ABCA13: variants seen among roughly 807,000 people sequenced by gnomAD.
ABCA13 encodes ATP binding cassette subfamily A member 13.
A neutral mutation model predicts 478.7 loss-of-function variants in ABCA13; 476 were observed. That is an observed-to-expected ratio of 0.99 (90% CI 0.92 to 1.07). The LOEUF is 1.07. Ranked by LOEUF, ABCA13 falls within the 50% of genes least tolerant of loss-of-function variation. The pLI is 0.00. For synonymous variants in ABCA13, 2,252 were observed against 2,158.9 expected, an observed-to-expected ratio of 1.04 and a Z score of -1.20; for missense variants, 6,060 against 5,910.6, an observed-to-expected ratio of 1.03 and a Z score of -0.83.
intron 47 of ABCA13, among the ~76,000 whole-genome samples, chr7:48,488,741 C>T (rs771079520): frequency 6.6e-6 from 1 of 152,072 alleles, no homozygotes; most frequent in Non-Finnish European, 1.5e-5. Context: ...TTGTCTTTCT[C>T]TTATTTTCAC....
At chr7:48,322,983 G>T (rs1033818072) in intron 27 of ABCA13, among the ~76,000 whole-genome samples, 2 of 152,092 alleles carry the variant, frequency 1.3e-5, no homozygotes, top group Admixed American at 1.3e-4. Flanking sequence ...TGCTCAGTAC[G>T]AGGGCTGTGA....
At position 48,212,804 on chromosome 7, in the gene ABCA13, G is replaced by GT. The variant is rs573788546; in HGVS notation, c.288-6543dup. On this transcript the variant is annotated intron_variant, in intron 3 of 61. Transcript: ENST00000435803. Reference sequence around the variant, plus strand: ...TTTTTGGTTTTATTGAATTCTTAGAGTTTTTTTACATATACTGGTCACAAG... The same window carrying GT: ...TTTTTGGTTTTATTGAATTCTTAGAGTTTTTTTTACATATACTGGTCACAAG... Among the ~76,000 whole-genome samples the GT allele has an allele frequency of 2.4e-4, 36 of 151,968 alleles. No homozygotes were observed. In the East Asian group the frequency reaches 6.0e-3, roughly 25 times the overall value.
chr7:48,500,766 T>C (rs543072903), intron 48 of ABCA13, among the ~76,000 whole-genome samples: 4 of 152,264 alleles, frequency 2.6e-5, no homozygotes, highest in Admixed American at 1.3e-4. Context: ...GACTGTACTT[T>C]CCTTGCACTC....
intron 1 of ABCA13, among the ~76,000 whole-genome samples, chr7:48,173,639 G>A (rs1453428826): frequency 1.3e-5 from 2 of 152,188 alleles, no homozygotes; most frequent in Non-Finnish European, 2.9e-5. Context: ...GTTCATTATA[G>A]CAATGCCTAG....
At chr7:48,291,827 T>A (rs1467826025) in intron 20 of ABCA13, among the ~76,000 whole-genome samples, 2 of 152,070 alleles carry the variant, frequency 1.3e-5, no homozygotes, top group Non-Finnish European at 2.9e-5. Flanking sequence ...GGAATCTCAC[T>A]CCTCACCTCC....
intron 48 of ABCA13, among the ~76,000 whole-genome samples, chr7:48,504,489 G>A (rs955936580): frequency 6.6e-6 from 1 of 152,102 alleles, no homozygotes; most frequent in Non-Finnish European, 1.5e-5. Context: ...GGAGGGCTTA[G>A]TGTTTTTTGA....
Position 48,278,848 on chromosome 7 carries a change from G to C in ABCA13, c.7654G>C (p.Val2552Leu). 1 of 1,613,586 alleles carries C rather than the reference G, an allele frequency of 6.2e-7. No individual in the cohort carries two copies. ...THFISNTKDS[V>L]KFFDTLYSIM... ...TTTTATCTCCAATACCAAGGACAGT[G>C]TGAAATTCTTTGACACTCTGTATTC... The change falls in exon 18 of 62, where the codon GTG (valine) becomes CTG (leucine). Residue 2552 changes from valine to leucine, a missense_variant. Val to Leu is a conservative substitution (Grantham distance 32). This residue lies in a region of ABCA13 where 4,423 missense variants were observed against 4,309.1 expected (regional missense o/e 1.03). Transcript: ENST00000435803.
chr7:48,517,772 C>T (rs975024753), intron 52 of ABCA13, among the ~76,000 whole-genome samples: 1 of 152,174 alleles, frequency 6.6e-6, no homozygotes, highest in African/African-American at 2.4e-5. Context: ...TCTCCTGATT[C>T]CCTGCTGCTT....
rs1817921887 is a variant in ABCA13 at position 48,403,814 on chromosome 7, C to T, written c.12005C>T (p.Pro4002Leu). Residue 4002 changes from proline (P) to leucine (L), a missense_variant, in exon 39 of 62, where the codon CCC becomes CTC. Transcript: ENST00000435803. ...TCGAGGACCGTGGTTCTGGATGAGC[C>T]CACCAGTGGGGTGGACCCTTGCTCC... is the stretch of plus-strand genomic sequence containing the variant. ...GMSRTVVLDE[P>L]TSGVDPCSRH... 6.2e-7 allele frequency: 1 copy of T among 1,613,710 alleles called. No homozygotes were observed. The highest frequency in any genetic ancestry group is 1.3e-5 in the African/African-American group (1 of 74,894).
At chr7:48,210,761 A>T (rs930507065) in intron 3 of ABCA13, among the ~76,000 whole-genome samples, 4 of 152,130 alleles carry the variant, frequency 2.6e-5, no homozygotes, top group African/African-American at 7.2e-5. Context: ...GGCCTAATAT[A>T]TAATATATCC....
At chr7:48,318,327 A>G (rs1802883430) in intron 27 of ABCA13, among the ~76,000 whole-genome samples, 1 of 152,044 alleles carries the variant, frequency 6.6e-6, no homozygotes, top group Admixed American at 6.6e-5. Context: ...TAAAACATTT[A>G]TATAATTTAT....
intron 42 of ABCA13, among the ~76,000 whole-genome samples, chr7:48,428,923 G>A (rs921257427): frequency 6.6e-6 from 1 of 152,144 alleles, no homozygotes; most frequent in Non-Finnish European, 1.5e-5. Flanking sequence ...GAAAACTGGT[G>A]TCACTTAGCA....
At chr7:48,611,392 TATCTTTATTG>T (rs1792011457) in intron 58 of ABCA13, among the ~76,000 whole-genome samples, 1 of 152,190 alleles carries the variant, frequency 6.6e-6, no homozygotes, top group Non-Finnish European at 1.5e-5. Context: ...CATTTTCAGG[TATCTTTATTG>T]CAATGCCCCT....
chr7:48,613,302 C>CCGG (rs1792213235), intron 58 of ABCA13, among the ~76,000 whole-genome samples: 1 of 152,006 alleles, frequency 6.6e-6, no homozygotes, highest in Non-Finnish European at 1.5e-5. Flanking sequence ...GATTCTCCTG[C>CCGG]CTCAGCCTCT....
intron 20 of ABCA13, among the ~76,000 whole-genome samples, chr7:48,293,192 G>GCCCCAC (rs1554419599): frequency 2.1e-4 from 23 of 108,310 alleles, no homozygotes; most frequent in African/African-American, 6.4e-4. Context: ...GAAGTCTTCA[G>GCCCCAC]CCCCCCCCCC....
At chr7:48,588,799 G>T (rs2131403884) in intron 57 of ABCA13, among the ~76,000 whole-genome samples, 2 of 152,340 alleles carry the variant, frequency 1.3e-5, no homozygotes, top group Middle Eastern at 6.8e-3. Flanking sequence ...AGGTTAAAGA[G>T]ATTTGTTGCC....
At chr7:48,338,914 T>C (rs1250985011) in intron 29 of ABCA13, among the ~76,000 whole-genome samples, 2 of 152,214 alleles carry the variant, frequency 1.3e-5, no homozygotes, top group African/African-American at 4.8e-5. Flanking sequence ...TAACAAACAT[T>C]TGCTGGACAC....
chr7:48,287,224 T>G, intron 19 of ABCA13, among the ~76,000 whole-genome samples: 1 of 152,082 alleles, frequency 6.6e-6, no homozygotes, highest in African/African-American at 2.4e-5. Context: ...TGCAGAGAGG[T>G]GGAGGCACCT....
chr7:48,266,991 A>C (rs997868865), intron 15 of ABCA13, among the ~76,000 whole-genome samples: 1 of 152,002 alleles, frequency 6.6e-6, no homozygotes, highest in Non-Finnish European at 1.5e-5. Flanking sequence ...TTTTCAAGAA[A>C]TATTTCTGTT....
Sources: allele counts gnomAD v4.1 joint callset (sites outside exome capture counted in the v4.1 genomes callset), GRCh38; gene constraint gnomAD v4.1.1; regional missense constraint gnomAD v4.1.1; transcripts MANE v1.5; gene names NCBI Gene and HGNC (gene_info 2026-07-23, HGNC 2026-07-21).